Variants in AOAH observed in about 807,000 individuals in gnomAD.
AOAH encodes acyloxyacyl hydrolase.
A neutral mutation model predicts 92.2 loss-of-function variants in AOAH; 64 were observed. The ratio of observed to expected loss-of-function variants is 0.69; its 90% CI spans 0.57 to 0.86. The LOEUF is 0.86. Ranked by LOEUF, AOAH falls within the 40% of genes least tolerant of loss-of-function variation. AOAH has a pLI of 0.00. For missense variants in AOAH, 656 were observed against 694.6 expected (o/e 0.94, Z 0.62); for synonymous variants, 263 against 254.5 (o/e 1.03, Z -0.32).
At chr7:36,656,398 T>A (rs1186767372) in intron 4 of AOAH, among the ~76,000 whole-genome samples, 2 of 152,168 alleles carry the variant, frequency 1.3e-5, no homozygotes, top group Non-Finnish European at 2.9e-5. Context: ...AGGAGAGTCA[T>A]GAGAATTCCT....
intron 4 of AOAH, among the ~76,000 whole-genome samples, chr7:36,649,210 A>C (rs974035526): frequency 6.6e-6 from 1 of 152,200 alleles, no homozygotes; most frequent in African/African-American, 2.4e-5. Flanking sequence ...TGCCTCTCAC[A>C]GGTAGGACAG....
chr7:36,669,904 G>A (rs187235696), intron 3 of AOAH, among the ~76,000 whole-genome samples: 2 of 152,292 alleles, frequency 1.3e-5, no homozygotes, highest in East Asian at 3.9e-4. Flanking sequence ...AGAGACCAGA[G>A]TCAGGCTTGC....
intron 1 of AOAH, among the ~76,000 whole-genome samples, chr7:36,702,075 T>G (rs1798066318): frequency 6.6e-6 from 1 of 152,120 alleles, no homozygotes; most frequent in Non-Finnish European, 1.5e-5. Context: ...CACCTTGTAT[T>G]TGGGCTATTT....
intron 19 of AOAH, among the ~76,000 whole-genome samples, chr7:36,524,510 A>AAC (rs1784284491): frequency 6.6e-6 from 1 of 151,190 alleles, no homozygotes; most frequent in African/African-American, 2.4e-5. Flanking sequence ...CCTAAAAAAA[A>AAC]AAAAAACAAA....
intron 1 of AOAH, among the ~76,000 whole-genome samples, chr7:36,689,114 C>T (rs1173647426): frequency 1.3e-5 from 2 of 152,112 alleles, no homozygotes; most frequent in Non-Finnish European, 2.9e-5. Flanking sequence ...TTAGTTGCTT[C>T]CCAGCTCAGT....
intron 1 of AOAH, chr7:36,689,990 CCTGAAAATTCAACT>C (rs1797286799): frequency 3.3e-6 from 1 of 304,360 alleles, no homozygotes; most frequent in Non-Finnish European, 6.4e-6. Context: ...GTTTCCTTTC[CCTGAAAATTCAACT>C]CCATCATTAG....
intron 11 of AOAH, among the ~76,000 whole-genome samples, chr7:36,603,529 A>G (rs188130570): frequency 3.9e-5 from 6 of 152,260 alleles, no homozygotes; most frequent in Admixed American, 2.0e-4. Flanking sequence ...ACCCTCTAGC[A>G]CTAGGGCAGA....
intron 13 of AOAH, among the ~76,000 whole-genome samples, chr7:36,571,714 G>T (rs934978734): frequency 5.1e-4 from 77 of 152,248 alleles, no homozygotes; most frequent in African/African-American, 1.7e-3. Context: ...CAATTCAGCT[G>T]CCCCCAGCTA....
intron 15 of AOAH, among the ~76,000 whole-genome samples, chr7:36,543,722 G>T (rs946683075): frequency 6.6e-6 from 1 of 152,044 alleles, no homozygotes; most frequent in African/African-American, 2.4e-5. Flanking sequence ...ATAAGCCTTG[G>T]TGTTGCTAAT....
At position 36,515,356 on chromosome 7, in the gene AOAH, C is replaced by CCA. The variant is rs1192644915; in HGVS notation, c.1600-1978_1600-1977dup. On this transcript the variant is annotated intron_variant, in intron 20 of 20. Transcript: ENST00000617537. ...ACCACACACACATAATCACACACCC[C>CCA]CACACACACACCACACACACCACAC... 5.4e-4 allele frequency among the ~76,000 whole-genome samples: 65 copies of CCA among 121,120 alleles called. 2 individuals are homozygous for CCA. Among genetic ancestry groups the CCA allele is most frequent in the African/African-American group, 1.9e-3 (60 of 31,238 alleles). 79.5% of individuals were successfully genotyped at this position (121,120 alleles called of 152,430 possible). A position where few individuals can be genotyped will look rare whatever the true frequency, so the allele number is the denominator to read the frequency against.
At chr7:36,529,088 A>G (rs1465788400) in intron 19 of AOAH, among the ~76,000 whole-genome samples, 1 of 152,176 alleles carries the variant, frequency 6.6e-6, no homozygotes, top group East Asian at 1.9e-4. Flanking sequence ...ATGACACATT[A>G]TTTCATAGAA....
chr7:36,569,523 T>G (rs187578060), intron 13 of AOAH, among the ~76,000 whole-genome samples: 3 of 150,932 alleles, frequency 2.0e-5, no homozygotes, highest in South Asian at 4.2e-4. Flanking sequence ...CTGTCTATCT[T>G]TCTACCAGAT....
intron 13 of AOAH, among the ~76,000 whole-genome samples, chr7:36,567,304 T>G (rs1787783529): frequency 1.3e-5 from 2 of 152,184 alleles, no homozygotes; most frequent in South Asian, 4.2e-4. Context: ...AGAACCCAAA[T>G]AGCGGACAGT....
intron 20 of AOAH, among the ~76,000 whole-genome samples, chr7:36,519,251 C>T (rs147029184): frequency 1.3e-5 from 2 of 152,318 alleles, no homozygotes; most frequent in Middle Eastern, 3.4e-3. Context: ...CTGTCAACTC[C>T]ACGGTCATAC....
intron 12 of AOAH, among the ~76,000 whole-genome samples, chr7:36,588,264 T>C (rs1272711595): frequency 1.3e-5 from 2 of 152,240 alleles, no homozygotes; most frequent in Non-Finnish European, 2.9e-5. Flanking sequence ...CCATTGCTTT[T>C]GTACCATCTG....
At chr7:36,611,055 A>G (rs1026157592) in intron 11 of AOAH, among the ~76,000 whole-genome samples, 29 of 152,186 alleles carry the variant, frequency 1.9e-4, no homozygotes, top group African/African-American at 6.8e-4. Flanking sequence ...TAACTTGGTG[A>G]TAAAGCTTCA....
chr7:36,576,448 T>G (rs2116634604), intron 13 of AOAH, 126 bp downstream of exon 13: 1 of 603,118 alleles, frequency 1.7e-6, no homozygotes, highest in East Asian at 3.0e-5. Context: ...GCAATGGCAT[T>G]GGAAGGGAGA....
chr7:36,582,335 C>A (rs1788989723), intron 12 of AOAH, among the ~76,000 whole-genome samples: 1 of 152,194 alleles, frequency 6.6e-6, no homozygotes, highest in South Asian at 2.1e-4. Flanking sequence ...CCAATGCCTA[C>A]AGAACTGAAT....
intron 1 of AOAH, among the ~76,000 whole-genome samples, chr7:36,713,430 G>A (rs1405575675): frequency 1.3e-5 from 2 of 152,068 alleles, no homozygotes; most frequent in African/African-American, 4.8e-5. Flanking sequence ...GAGACAGAAA[G>A]TTAACAAGGA....
Sources: allele counts gnomAD v4.1 joint callset (sites outside exome capture counted in the v4.1 genomes callset), GRCh38; gene constraint gnomAD v4.1.1; transcripts MANE v1.5; gene names NCBI Gene and HGNC (gene_info 2026-07-23, HGNC 2026-07-21).